SDK1: variants seen among roughly 807,000 people sequenced by gnomAD.
The protein encoded by SDK1 is sidekick cell adhesion molecule 1.
In SDK1, 157 loss-of-function variants were observed where a neutral mutation model predicts 245.5. That is an observed-to-expected ratio of 0.64 (90% CI 0.56 to 0.73). SDK1 has a LOEUF of 0.73. Among genes scored for constraint, SDK1 ranks in the 30% least tolerant of loss-of-function variants. The pLI is 0.00. For synonymous variants in SDK1, 1,647 were observed against 1,278.5 expected (o/e 1.29, Z -6.15); for missense variants, 3,583 against 3,002.3 (o/e 1.19, Z -4.52).
chr7:3,741,987 C>CATATATATATATATATATATAT (rs142076799), intron 4 of SDK1, among the ~76,000 whole-genome samples: 3 of 132,118 alleles, frequency 2.3e-5, no homozygotes, highest in East Asian at 2.2e-4. Context: ...TTGTAGTGTG[C>CATATATATATATATATATATAT]ATATATATAT....
intron 5 of SDK1, among the ~76,000 whole-genome samples, chr7:3,936,409 A>C (rs182857275): frequency 6.6e-6 from 1 of 152,004 alleles, no homozygotes; most frequent in Non-Finnish European, 1.5e-5. Flanking sequence ...GTGAAACCCC[A>C]TCTGTACTAA....
intron 4 of SDK1, among the ~76,000 whole-genome samples, chr7:3,781,176 G>A (rs1370658151): frequency 1.3e-5 from 2 of 152,044 alleles, no homozygotes; most frequent in African/African-American, 4.8e-5. Flanking sequence ...TAACCTCAGA[G>A]AACAGCCTAT....
intron 1 of SDK1, among the ~76,000 whole-genome samples, chr7:3,558,558 T>C (rs1167139257): frequency 6.6e-6 from 1 of 152,168 alleles, no homozygotes; most frequent in Non-Finnish European, 1.5e-5. Flanking sequence ...GTACAGGCCA[T>C]GTGGACAGGG....
intron 5 of SDK1, among the ~76,000 whole-genome samples, chr7:3,872,632 C>A (rs73674325): frequency 6.7e-6 from 1 of 148,586 alleles, no homozygotes; most frequent in Admixed American, 6.7e-5. Flanking sequence ...ATATTCCACT[C>A]GAATATTGTA....
chr7:3,898,645 C>T lies in SDK1; in HGVS notation c.848-52278C>T, dbSNP rs534591498. 2.0e-5 allele frequency among the ~76,000 whole-genome samples: 3 copies of T among 152,286 alleles called. No homozygotes were observed. The South Asian group carries it at 6.2e-4, about 32-fold the overall frequency. ...AAAAGAGCAGCATCTCAGGAATTCTCACTGATGAAAATGAGTCATCCGAAT... is the reference window on the plus strand; with the variant it reads ...AAAAGAGCAGCATCTCAGGAATTCTTACTGATGAAAATGAGTCATCCGAAT... On this transcript the variant is annotated intron_variant, in intron 5 of 44. Coordinates refer to ENST00000404826, the MANE Select transcript of SDK1 (RefSeq NM_152744.4).
chr7:3,681,838 T>C (rs1264576313), intron 4 of SDK1, among the ~76,000 whole-genome samples: 1 of 152,194 alleles, frequency 6.6e-6, no homozygotes, highest in African/African-American at 2.4e-5. Flanking sequence ...AACAGAGGTA[T>C]AACATTTTTT....
chr7:3,793,531 T>C (rs1398480010), intron 4 of SDK1, among the ~76,000 whole-genome samples: 1 of 152,224 alleles, frequency 6.6e-6, no homozygotes, highest in Non-Finnish European at 1.5e-5. Context: ...GTGCAAACTT[T>C]TAAGTGGACC....
At chr7:3,873,904 TTGTC>T (rs761705338) in intron 5 of SDK1, among the ~76,000 whole-genome samples, 14 of 152,344 alleles carry the variant, frequency 9.2e-5, no homozygotes, top group African/African-American at 2.4e-4. Flanking sequence ...TTTAAATTCT[TTGTC>T]TGATAGGTCC....
intron 1 of SDK1, among the ~76,000 whole-genome samples, chr7:3,392,196 A>C (rs543192450): frequency 6.6e-6 from 1 of 152,256 alleles, no homozygotes; most frequent in East Asian, 1.9e-4. Context: ...TTACAGAAGT[A>C]AAGAGAAAAG....
chr7:4,215,781 C>A (rs1584465008), intron 38 of SDK1, among the ~76,000 whole-genome samples: 6 of 152,162 alleles, frequency 3.9e-5, no homozygotes, highest in Admixed American at 2.6e-4. Flanking sequence ...TTACTTGATG[C>A]GTTCTTAGAC....
intron 9 of SDK1, among the ~76,000 whole-genome samples, chr7:3,963,852 G>A (rs1781890709): frequency 6.6e-6 from 1 of 152,064 alleles, no homozygotes; most frequent in Non-Finnish European, 1.5e-5. Context: ...TATCCAGTGG[G>A]TACACCTAAG....
intron 35 of SDK1, among the ~76,000 whole-genome samples, chr7:4,197,745 C>T (rs893190141): frequency 6.6e-6 from 1 of 152,176 alleles, no homozygotes; most frequent in Non-Finnish European, 1.5e-5. Context: ...CTTTGACCTT[C>T]CCCTCGAGGA....
chr7:3,901,268 C>T (rs1011233257), intron 5 of SDK1, among the ~76,000 whole-genome samples: 10 of 152,016 alleles, frequency 6.6e-5, no homozygotes, highest in Admixed American at 2.0e-4. Context: ...CTCACTGCAA[C>T]CTCCGCCTCC....
At chr7:3,546,050 T>C (rs1334242208) in intron 1 of SDK1, among the ~76,000 whole-genome samples, 1 of 152,218 alleles carries the variant, frequency 6.6e-6, no homozygotes, top group Admixed American at 6.5e-5. Flanking sequence ...ACAAGTGATA[T>C]AACTTTTAAT....
At chr7:3,665,128 C>T (rs1050818630) in intron 4 of SDK1, among the ~76,000 whole-genome samples, 1 of 152,094 alleles carries the variant, frequency 6.6e-6, no homozygotes, top group African/African-American at 2.4e-5. Flanking sequence ...TATGAAACCT[C>T]GTAGATGGGC....
intron 20 of SDK1, 89 bp from the exon 21 acceptor site, chr7:4,076,909 C>T: frequency 1.7e-6 from 2 of 1,180,882 alleles, no homozygotes; most frequent in Middle Eastern, 3.9e-4. Context: ...CTCTCCATAG[C>T]TCCAAGCCTG....
chr7:3,864,482 G>T (rs1253046060), intron 5 of SDK1, among the ~76,000 whole-genome samples: 3 of 152,176 alleles, frequency 2.0e-5, no homozygotes, highest in Non-Finnish European at 2.9e-5. Flanking sequence ...AAGCAGATAG[G>T]AAGTTAAAAT....
chr7:3,458,206 A>G lies in SDK1; in HGVS notation c.298+156322A>G, dbSNP rs112733697. ...GGTCTTGGTGGGTTATTTAATCTGGAAACTAATGTTTTTCTTTTGTGGGAA... is the reference window on the plus strand; with the variant it reads ...GGTCTTGGTGGGTTATTTAATCTGGGAACTAATGTTTTTCTTTTGTGGGAA... On this transcript the variant is annotated intron_variant, in intron 1 of 44. Coordinates refer to ENST00000404826, the MANE Select transcript of SDK1 (RefSeq NM_152744.4). 3.3e-5 allele frequency among the ~76,000 whole-genome samples: 5 copies of G among 151,974 alleles called. 1 individual carries two copies. The highest frequency in any genetic ancestry group is 1.2e-4 in the African/African-American group (5 of 41,464).
rs113629795 is a variant in SDK1, at chr7:3,995,270, C to G, written c.2131+7948C>G. 7.8e-3 allele frequency among the ~76,000 whole-genome samples: 1,190 copies of G among 152,312 alleles called. 23 individuals are homozygous for G. The highest frequency in any genetic ancestry group is 0.027 in the African/African-American group (1,128 of 41,566). On this transcript the variant is annotated intron_variant, in intron 14 of 44. Transcript: ENST00000404826. ...GGGAATTCTCGCCCTGATCCTGTCC[C>G]CCTCTGCCTTTGCCTGATCAGCTCT...
Sources: allele counts gnomAD v4.1 joint callset (sites outside exome capture counted in the v4.1 genomes callset), GRCh38; gene constraint gnomAD v4.1.1; transcripts MANE v1.5; gene names NCBI Gene and HGNC (gene_info 2026-07-23, HGNC 2026-07-21).